THBS2: variants seen among roughly 807,000 people sequenced by gnomAD.
THBS2 encodes the protein thrombospondin 2.
A neutral mutation model predicts 135.2 loss-of-function variants in THBS2; 47 were observed. That is an observed-to-expected ratio of 0.35 (90% CI 0.28 to 0.44). The LOEUF (loss-of-function observed/expected upper bound fraction) is 0.44. Ranked by LOEUF, THBS2 falls within the 20% of genes least tolerant of loss-of-function variation. The pLI is 1.00. For missense variants in THBS2, 1,288 were observed against 1,603.1 expected, an observed-to-expected ratio of 0.80 and a Z score of 3.36; for synonymous variants, 639 against 633.8, an observed-to-expected ratio of 1.01 and a Z score of -0.12.
intron 10 of THBS2, 35 bp downstream of exon 10, chr6:169,234,699 G>T (rs574880055): frequency 2.1e-6 from 3 of 1,460,016 alleles, no homozygotes; most frequent in Non-Finnish European, 2.7e-6. Flanking sequence ...ATGGAAGCCC[G>T]GGTTTCAGTG....
intron 21 of THBS2, 95 bp from the exon 22 acceptor site, chr6:169,217,924 C>T (rs945082431): frequency 3.3e-6 from 4 of 1,201,898 alleles, no homozygotes; most frequent in Non-Finnish European, 3.5e-6. Context: ...AATATAATTA[C>T]TTTAATTAAA....
At chr6:169,253,082 G>A (rs973594120) in intron 1 of THBS2, among the ~76,000 whole-genome samples, 3 of 152,082 alleles carry the variant, frequency 2.0e-5, no homozygotes, top group Non-Finnish European at 4.4e-5. Flanking sequence ...TGTGTGTCCC[G>A]GCAGTCACAG....
chr6:169,224,357 C>T (rs978257213), intron 17 of THBS2, among the ~76,000 whole-genome samples: 1 of 152,198 alleles, frequency 6.6e-6, no homozygotes, highest in African/African-American at 2.4e-5. Context: ...TGCCCGAACA[C>T]GGAGTCCAGA....
chr6:169,235,382 G>C (rs1293030119), intron 9 of THBS2, among the ~76,000 whole-genome samples: 1 of 150,934 alleles, frequency 6.6e-6, no homozygotes, highest in Admixed American at 6.6e-5. Context: ...CTCTGCCATG[G>C]AGGGTGGCCT....
At chr6:169,224,999 A>G (rs907479253) in intron 17 of THBS2, 146 bp downstream of exon 17, 2 of 766,018 alleles carry the variant, frequency 2.6e-6, no homozygotes, top group African/African-American at 3.5e-5. Flanking sequence ...CTCATATTGC[A>G]TGGACCCACA....
intron 21 of THBS2, among the ~76,000 whole-genome samples, chr6:169,218,697 G>A (rs1779288758): frequency 6.9e-6 from 1 of 145,284 alleles, no homozygotes; most frequent in Non-Finnish European, 1.5e-5. Flanking sequence ...GGATGGGATG[G>A]ATGGATGGAT....
chr6:169,251,179 G>A (rs1410748491), intron 1 of THBS2, among the ~76,000 whole-genome samples: 2 of 152,124 alleles, frequency 1.3e-5, no homozygotes, highest in South Asian at 2.1e-4. Context: ...CATACGACTC[G>A]TAGACAGGAC....
chr6:169,241,440 T>A lies in THBS2; in HGVS notation c.891+322A>T, dbSNP rs149732011. Among the ~76,000 whole-genome samples, 526 of 112,656 alleles carry A rather than the reference T, an allele frequency of 4.7e-3. 2 individuals carry two copies. Among genetic ancestry groups the A allele is most frequent in the African/African-American group, 0.02 (508 of 25,638 alleles). 73.9% of individuals were successfully genotyped at this position (112,656 alleles called of 152,430 possible). On this transcript the variant is annotated intron_variant, in intron 5 of 21. Coordinates refer to ENST00000617924, the MANE Select transcript of THBS2 (RefSeq NM_003247.5). This position sits in a 1 kb window ranked among gnomAD's most constrained non-coding sequence, Gnocchi z 5.5. ...GTATGTGTGTGTATGTGTGTGTGTA[T>A]GTGTGTGTGTGTGTGTACACTCATA...
In THBS2 at chr6:169,228,279, G is replaced by A. The variant is rs746628894; in HGVS notation, c.2262C>T (p.Asp754=). ...GGGGATTGAAGAGGAGCTGGCAGTTGTCCTGGAAAACCAAGAAAGGGAAGA... is the reference window on the plus strand; with the variant it reads ...GGGGATTGAAGAGGAGCTGGCAGTTATCCTGGAAAACCAAGAAAGGGAAGA... ...DDNDGVTDEK[D]NCQLLFNPRQ... Residue 754 remains aspartate (D), a splice_region_variant and synonymous_variant, in exon 15 of 22, where the codon GAC becomes GAT. Coordinates refer to ENST00000617924, the MANE Select transcript of THBS2 (RefSeq NM_003247.5). 6.2e-7 allele frequency: 1 copy of A among 1,614,026 alleles called. No homozygotes were observed. The highest frequency in any genetic ancestry group is 1.7e-5 in the Admixed American group (1 of 60,012).
At position 169,246,264 on chromosome 6, in the gene THBS2, G is replaced by C. The variant is rs116680672; in HGVS notation, c.627C>G (p.Val209=). 2.5e-6 allele frequency: 4 copies of C among 1,613,714 alleles called. No homozygotes were observed. The highest frequency in any genetic ancestry group is 3.4e-6 in the Non-Finnish European group (4 of 1,179,980). The stretch of plus-strand genomic sequence containing the variant: ...CCACAGAGTTTTCAAACACTAGGTG[G>C]ACGTTCTGAAGCAAACCCTGTAAGT... ...ESHFRGLLQN[V]HLVFENSVED... is the part of the protein sequence containing the mutation. The change falls in exon 4 of 22, where the codon GTC becomes GTG. Residue 209 remains valine, a synonymous_variant. Transcript: ENST00000617924.
At chr6:169,246,416 G>C in intron 3 of THBS2, 135 bp from the exon 4 acceptor site, 1 of 708,464 alleles carries the variant, frequency 1.4e-6, no homozygotes, top group African/African-American at 1.8e-5. Flanking sequence ...TAGCAGGTTT[G>C]CAATCTCTTT....
In THBS2 at chr6:169,244,998, A is replaced by C. The variant is rs563613441; in HGVS notation, c.694+1199T>G. ...CCCCGGTTCTGAAGTAGGCGGTGGG[A>C]TCACAGAGTCATTGTGCACCAAAGA... On this transcript the variant is annotated intron_variant, in intron 4 of 21. Coordinates refer to ENST00000617924, the MANE Select transcript of THBS2 (RefSeq NM_003247.5). 5.9e-5 allele frequency among the ~76,000 whole-genome samples: 9 copies of C among 152,356 alleles called. No homozygotes were observed. The East Asian group carries it at 1.7e-3, about 29-fold the overall frequency.
chr6:169,228,230 C>T lies in THBS2; in HGVS notation c.2311G>A (p.Glu771Lys). The part of the protein sequence containing the change: ...NPRQADYDKD[E>K]VGDRCDNCPY... ...CAGTTGTCACAGCGGTCCCCAACCT[C>T]ATCCTTGTCATAGTCAGCCTGGCGG... Residue 771 changes from glutamate to lysine, a missense_variant, in exon 15 of 22, where the codon GAG (glutamate) becomes AAG (lysine). Transcript: ENST00000617924. 1 of 1,614,228 alleles carries T rather than the reference C, an allele frequency of 6.2e-7. No individual in the cohort carries two copies. Among genetic ancestry groups the T allele is most frequent in the Non-Finnish European group, 8.5e-7 (1 of 1,180,046 alleles).
Position 169,228,192 on chromosome 6 carries a change from G to A in THBS2, c.2349C>T (p.His783=), listed in dbSNP as rs1018886059. 12 of 1,614,016 alleles carry A rather than the reference G, an allele frequency of 7.4e-6. No homozygotes were observed. The highest frequency in any genetic ancestry group is 1.0e-5 in the Non-Finnish European group (12 of 1,180,028). ...TGTCTGTGTCGATCTGGGCAGGGTT[G>A]TGCACGTAAGGGCAGTTGTCACAGC... ...GDRCDNCPYV[H]NPAQIDTDNN... is the part of the protein sequence containing the mutation. Residue 783 remains histidine, a synonymous_variant, in exon 15 of 22, where the codon CAC becomes CAT. Coordinates refer to ENST00000617924, the MANE Select transcript of THBS2 (RefSeq NM_003247.5).
At position 169,246,265 on chromosome 6, in the gene THBS2, A is replaced by G; in HGVS notation, c.626T>C (p.Val209Ala). 6.2e-7 allele frequency: 1 copy of G among 1,613,922 alleles called. No homozygotes were observed. The highest frequency in any genetic ancestry group is 8.5e-7 in the Non-Finnish European group (1 of 1,179,988). Residue 209 changes from valine (V) to alanine (A), a missense_variant, in exon 4 of 22, where the codon GTC (valine) becomes GCC (alanine). Around this residue, in one of 2 missense-constraint regions of THBS2, gnomAD observed 414 missense variants for 447.0 expected, o/e 0.93. Coordinates refer to ENST00000617924, the MANE Select transcript of THBS2 (RefSeq NM_003247.5). ...CACAGAGTTTTCAAACACTAGGTGG[A>G]CGTTCTGAAGCAAACCCTGTAAGTA... is the stretch of plus-strand genomic sequence containing the variant. ...ESHFRGLLQN[V>A]HLVFENSVED...
Position 169,229,634 on chromosome 6 carries a change from T to C in THBS2, c.2197A>G (p.Lys733Glu). 1 of 1,614,152 alleles carries C rather than the reference T, an allele frequency of 6.2e-7. No homozygotes were observed. Among genetic ancestry groups the C allele is most frequent in the African/African-American group, 1.3e-5 (1 of 75,066 alleles). ...LPNSGQEDFDKDGIGDACDDD... is the reference protein window; with the variant it reads ...LPNSGQEDFDEDGIGDACDDD... Reference sequence around the variant, plus strand: ...TCACAGGCATCGCCAATCCCGTCCTTGTCAAAGTCTTCCTGCCCAGAATTT... The same window carrying C: ...TCACAGGCATCGCCAATCCCGTCCTCGTCAAAGTCTTCCTGCCCAGAATTT... The change falls in exon 14 of 22, where the codon AAG (lysine) becomes GAG (glutamate). Residue 733 changes from lysine (K) to glutamate (E), a missense_variant. Physicochemically the swap from Lys to Glu is moderately conservative, Grantham distance 56. This residue lies in a region of THBS2 where 874 missense variants were observed against 1,156.1 expected (regional missense o/e 0.76). Transcript: ENST00000617924.
chr6:169,246,934 T>G (rs887328938), intron 3 of THBS2, among the ~76,000 whole-genome samples: 1 of 152,218 alleles, frequency 6.6e-6, no homozygotes, highest in African/African-American at 2.4e-5. Context: ...ACCTGCAGTT[T>G]AAGATTCATT....
intron 5 of THBS2, 72 bp from the exon 6 acceptor site, chr6:169,240,664 A>G: frequency 6.5e-7 from 1 of 1,540,270 alleles, no homozygotes; most frequent in Non-Finnish European, 8.8e-7. Context: ...TTGTGGATGA[A>G]AAACAAAGTT....
chr6:169,219,899 G>A, intron 21 of THBS2: 1 of 572,530 alleles, frequency 1.7e-6, no homozygotes, highest in East Asian at 3.9e-5. Flanking sequence ...GGCGTCAGGA[G>A]CCTGGAAGTG....
Sources: allele counts gnomAD v4.1 joint callset (sites outside exome capture counted in the v4.1 genomes callset), GRCh38; gene constraint gnomAD v4.1.1; regional missense constraint gnomAD v4.1.1; non-coding constraint Gnocchi (gnomAD v3.1); transcripts MANE v1.5; gene names NCBI Gene and HGNC (gene_info 2026-07-23, HGNC 2026-07-21).